The following CNIH3 variants were observed in gnomAD, a reference collection of about 807,000 sequenced individuals.
The protein encoded by CNIH3 is cornichon family AMPA receptor auxiliary protein 3.
In CNIH3, 14 loss-of-function variants were observed where a neutral mutation model predicts 24.1. That is an observed-to-expected ratio of 0.58 (90% confidence interval 0.38 to 0.91). The LOEUF is 0.91. CNIH3 is among the 40% of genes least tolerant of loss of function. CNIH3 has a pLI of 0.00. For synonymous variants in CNIH3, 68 were observed against 73.8 expected (o/e 0.92, Z 0.40); for missense variants, 178 against 196.8 (o/e 0.90, Z 0.57).
intron 1 of CNIH3, among the ~76,000 whole-genome samples, chr1:224,484,292 C>T (rs945613193): frequency 1.1e-4 from 16 of 151,494 alleles, no homozygotes; most frequent in Non-Finnish European, 1.8e-4. Context: ...TAGCCGGGCG[C>T]GGTAGTGGGC....
chr1:224,571,224 G>A (rs1680804017), intron 4 of CNIH3, among the ~76,000 whole-genome samples: 1 of 152,130 alleles, frequency 6.6e-6, no homozygotes, highest in African/African-American at 2.4e-5. Context: ...CCCTTGTTGT[G>A]TTTTCTTCTC....
At chr1:224,626,588 A>G (rs1350767688) in intron 1 of CNIH3, among the ~76,000 whole-genome samples, 1 of 152,190 alleles carries the variant, frequency 6.6e-6, no homozygotes, top group East Asian at 1.9e-4. Flanking sequence ...AAGACTTGAG[A>G]ATCTTGGTTA....
At chr1:224,661,703 A>C (rs748754889) in intron 1 of CNIH3, 1 of 196,368 alleles carries the variant, frequency 5.1e-6, no homozygotes, top group Non-Finnish European at 1.1e-5. Context: ...AAATTAAGCT[A>C]TCTTATTTTC....
intron 1 of CNIH3, among the ~76,000 whole-genome samples, chr1:224,504,877 A>T (rs898224949): frequency 1.3e-5 from 2 of 152,170 alleles, no homozygotes; most frequent in Non-Finnish European, 2.9e-5. Context: ...GGTCAGCATG[A>T]TGCCTGACAC....
intron 1 of CNIH3, among the ~76,000 whole-genome samples, chr1:224,440,810 A>G (rs1185161857): frequency 6.6e-6 from 1 of 150,806 alleles, no homozygotes; most frequent in Non-Finnish European, 1.5e-5. Flanking sequence ...AGCTGTATAC[A>G]GTATTAAGTT....
At chr1:224,460,874 G>A (rs7544512) in intron 1 of CNIH3, among the ~76,000 whole-genome samples, 147,574 of 151,914 alleles carry the variant, frequency 0.97, 71,795 homozygotes, top group East Asian at 1. Flanking sequence ...GGCACAAACA[G>A]TCCTCCCACC....
Position 224,734,602 on chromosome 1 carries a change from C to T in CNIH3, c.351C>T (p.Tyr117=), listed in dbSNP as rs200710456. ...CAGCAGATAGCTCAGAACTAGCCTA[C>T]GACCCACCGGTGGTCATGAATGCCG... ...HCPADSSELA[Y]DPPVVMNADT... is the part of the protein sequence containing the mutation. The change falls in exon 5 of 6, where the codon TAC becomes TAT. Residue 117 remains tyrosine, a synonymous_variant. Coordinates refer to ENST00000272133, the MANE Select transcript of CNIH3 (RefSeq NM_152495.2). 1.3e-4 allele frequency: 215 copies of T among 1,614,134 alleles called. No individual in the cohort carries two copies. Among genetic ancestry groups the T allele is most frequent in the East Asian group, 2.7e-4 (12 of 44,882 alleles).
chr1:224,690,323 C>T (rs920531759), intron 3 of CNIH3, among the ~76,000 whole-genome samples: 1 of 152,210 alleles, frequency 6.6e-6, no homozygotes, highest in African/African-American at 2.4e-5. Flanking sequence ...GCCTCAGCCT[C>T]CTGAGTACCT....
At chr1:224,729,190 C>A (rs1045565436) in intron 3 of CNIH3, among the ~76,000 whole-genome samples, 6 of 151,994 alleles carry the variant, frequency 3.9e-5, no homozygotes. Flanking sequence ...GTGGGCAGAT[C>A]ACCTCAGGTC....
At chr1:224,492,987 T>A (rs1159106295) in intron 1 of CNIH3, among the ~76,000 whole-genome samples, 17 of 152,220 alleles carry the variant, frequency 1.1e-4, no homozygotes. Flanking sequence ...AATATCAGAA[T>A]GGAGGACAGT....
At chr1:224,615,162 C>G (rs1457275586), upstream of CNIH3, 1 of 152,088 alleles carries the variant, frequency 6.6e-6, no homozygotes, top group Non-Finnish European at 1.5e-5. Context: ...AACTAGCACA[C>G]CAGAGTCAGA....
intron 5 of CNIH3, 60 bp from the exon 6 acceptor site, chr1:224,739,269 G>A (rs905264755): frequency 6.9e-5 from 108 of 1,558,098 alleles, no homozygotes; most frequent in Non-Finnish European, 9.2e-5. Flanking sequence ...TGAGTCCTCT[G>A]TGGGCTTCTA....
intron 1 of CNIH3, among the ~76,000 whole-genome samples, chr1:224,645,824 G>A (rs536795271): frequency 6.6e-6 from 1 of 152,220 alleles, no homozygotes; most frequent in African/African-American, 2.4e-5. Flanking sequence ...TTCTTTCTCT[G>A]GCCATCTCGC....
chr1:224,538,586 G>A (rs763414512), downstream of CNIH3, among the ~76,000 whole-genome samples: 13 of 151,540 alleles, frequency 8.6e-5, no homozygotes, highest in Admixed American at 2.0e-4. Flanking sequence ...GAAGAACATC[G>A]GCCTCTTTAC....
At chr1:224,507,188 C>T (rs1218010149) in intron 1 of CNIH3, among the ~76,000 whole-genome samples, 1 of 152,124 alleles carries the variant, frequency 6.6e-6, no homozygotes, top group Non-Finnish European at 1.5e-5. Flanking sequence ...AACGTATCAA[C>T]ATGTATGTAT....
At chr1:224,556,614 G>A (rs954204914) in intron 3 of CNIH3, among the ~76,000 whole-genome samples, 1 of 152,154 alleles carries the variant, frequency 6.6e-6, no homozygotes, top group Non-Finnish European at 1.5e-5. Context: ...AGATCATCAG[G>A]CGTTAGATTC....
rs1398066220 is a variant in CNIH3 at position 224,458,270 on chromosome 1, T to C, written n.203+23408T>C. ...GGTGCCAAAGCCGAGAAAGGTCCCG[T>C]AGTCCCTGTGTGGTCAGCAGGGAAG... On this transcript the variant is annotated intron_variant and non_coding_transcript_variant, in intron 1 of 5. Transcript: ENST00000471578. This position sits in a 1 kb window ranked among gnomAD's most constrained non-coding sequence, Gnocchi z 4.3. Among the ~76,000 whole-genome samples, 2 of 152,178 alleles carry C rather than the reference T, an allele frequency of 1.3e-5. No homozygotes were observed. Among genetic ancestry groups the C allele is most frequent in the African/African-American group, 4.8e-5 (2 of 41,442 alleles).
At chr1:224,642,259 C>T (rs546189969) in intron 1 of CNIH3, among the ~76,000 whole-genome samples, 28 of 152,250 alleles carry the variant, frequency 1.8e-4, no homozygotes, top group African/African-American at 6.7e-4. Flanking sequence ...AGGGTAGGGT[C>T]TTGCTCTGTC....
At chr1:224,475,414 C>T (rs1338624285) in intron 1 of CNIH3, among the ~76,000 whole-genome samples, 4 of 150,206 alleles carry the variant, frequency 2.7e-5, no homozygotes, top group African/African-American at 7.3e-5. Context: ...GACATTACAA[C>T]GGATACTGCC....
Sources: allele counts gnomAD v4.1 joint callset (sites outside exome capture counted in the v4.1 genomes callset), GRCh38; gene constraint gnomAD v4.1.1; non-coding constraint Gnocchi (gnomAD v3.1); transcripts MANE v1.5; gene names NCBI Gene and HGNC (gene_info 2026-07-23, HGNC 2026-07-21).